GIPC2: variants seen among roughly 807,000 people sequenced by gnomAD.
GIPC2 encodes the protein PDZ domain-containing protein GIPC2.
GIPC2 carries 30 observed loss-of-function variants against 30.6 expected under a neutral mutation model. The ratio of observed to expected loss-of-function variants is 0.98; its 90% CI spans 0.73 to 1.33. The LOEUF (loss-of-function observed/expected upper bound fraction) is 1.33. GIPC2 is among the 40% of genes most tolerant of loss of function. The pLI is 0.00. For synonymous variants in GIPC2, 167 were observed against 150.0 expected, an observed-to-expected ratio of 1.11 and a Z score of -0.83; for missense variants, 414 against 390.3, an observed-to-expected ratio of 1.06 and a Z score of -0.51.
chr1:78,103,135 C>T (rs946457605), intron 3 of GIPC2, among the ~76,000 whole-genome samples: 1 of 152,226 alleles, frequency 6.6e-6, no homozygotes, highest in Non-Finnish European at 1.5e-5. Context: ...CCTCCAGAGC[C>T]AGCTCTCTAA....
intron 1 of GIPC2, among the ~76,000 whole-genome samples, chr1:78,053,959 C>T (rs1032589337): frequency 2.0e-5 from 3 of 151,996 alleles, no homozygotes; most frequent in African/African-American, 7.2e-5. Context: ...CTCCTCATTA[C>T]TTACAAACCA....
Position 78,136,608 on chromosome 1 carries a change from C to CTTTTTTTTTTT in GIPC2, c.*876_*886dup, listed in dbSNP as rs56230848. On this transcript the variant is annotated 3_prime_UTR_variant, in exon 6 of 6. Coordinates refer to ENST00000370759, the MANE Select transcript of GIPC2 (RefSeq NM_017655.6). ...TACTCAAAATAACTATGCTTTAGAACTTTTTTTTTTTTTTTTTTTTTGGTT... is the reference window on the plus strand; with the variant it reads ...TACTCAAAATAACTATGCTTTAGAACTTTTTTTTTTTTTTTTTTTTTTTTTTTTTTTTGGTT... The CTTTTTTTTTTT allele has an allele frequency of 2.0e-5, 2 of 101,954 alleles. No individual in the cohort carries two copies. The highest frequency in any genetic ancestry group is 1.1e-4 in the Admixed American group (1 of 8,908). The allele number at this position is 101,954 out of a possible 1,614,324, so 6.3% of individuals were successfully genotyped here. A position where few individuals can be genotyped will look rare whatever the true frequency, so the allele number is the denominator to read the frequency against.
intron 1 of GIPC2, among the ~76,000 whole-genome samples, chr1:78,068,196 T>C (rs1278765574): frequency 2.9e-5 from 3 of 103,560 alleles, no homozygotes; most frequent in Non-Finnish European, 7.2e-5. Flanking sequence ...AGAGAGTACC[T>C]GTGACAGAAT....
At chr1:78,110,267 G>A (rs1178350894) in intron 3 of GIPC2, among the ~76,000 whole-genome samples, 1 of 152,080 alleles carries the variant, frequency 6.6e-6, no homozygotes, top group African/African-American at 2.4e-5. Context: ...ATCTGAAAAT[G>A]GGGGCAGAAA....
Position 78,135,761 on chromosome 1 carries a change from T to C in GIPC2, c.*18T>C. ...GATTATGATGTGTACACTCCATCTC[T>C]GAAGAAACAACCCATCGTTCTTTTT... is the stretch of plus-strand genomic sequence containing the variant. On this transcript the variant is annotated 3_prime_UTR_variant, in exon 6 of 6. Transcript: ENST00000370759. The C allele has an allele frequency of 3.8e-6, 6 of 1,587,848 alleles. No individual in the cohort carries two copies. The highest frequency in any genetic ancestry group is 5.1e-6 in the Non-Finnish European group (6 of 1,170,752).
intron 3 of GIPC2, among the ~76,000 whole-genome samples, chr1:78,108,244 C>T (rs900835544): frequency 6.6e-6 from 1 of 152,102 alleles, no homozygotes; most frequent in African/African-American, 2.4e-5. Context: ...GGTTTGTAAT[C>T]TTTTTTTGTA....
intron 2 of GIPC2, chr1:78,094,681 TA>T: frequency 4.3e-6 from 1 of 232,176 alleles, no homozygotes; most frequent in Non-Finnish European, 8.4e-6. Context: ...TGGTTGGAGG[TA>T]AGATAGTGGT....
rs751081699 is a variant in GIPC2, at chr1:78,046,325, G to T, written c.231G>T (p.Ser77=). 1.2e-6 allele frequency: 2 copies of T among 1,610,148 alleles called. No homozygotes were observed. The highest frequency in any genetic ancestry group is 2.2e-5 in the East Asian group (1 of 44,682). ...YAQIAGAFEI[S]PSEILYCTLN... Reference sequence around the variant, plus strand: ...AGATCGCGGGCGCGTTTGAAATCTCGCCGTCGGAGGTAAGGCGCCAGGTGC... The same window carrying T: ...AGATCGCGGGCGCGTTTGAAATCTCTCCGTCGGAGGTAAGGCGCCAGGTGC... Residue 77 remains serine (S), a synonymous_variant, in exon 1 of 6, where the codon TCG becomes TCT. Coordinates refer to ENST00000370759, the MANE Select transcript of GIPC2 (RefSeq NM_017655.6).
rs1373826508 is a variant in GIPC2 at position 78,138,401 on chromosome 1, A to G, written c.*2658A>G. ...TTTCAAATGATGTATAATTTGCAAT[A>G]TTTTCCCTTGCAACTTTAGCAAATA... On this transcript the variant is annotated 3_prime_UTR_variant, in exon 6 of 6. Transcript: ENST00000370759. 1 of 152,206 alleles carries G rather than the reference A, an allele frequency of 6.6e-6. No individual in the cohort carries two copies. Among genetic ancestry groups the G allele is most frequent in the Non-Finnish European group, 1.5e-5 (1 of 68,038 alleles). The allele number at this position is 152,206 out of a possible 1,614,324, so 9.4% of individuals were successfully genotyped here. A position where few individuals can be genotyped will look rare whatever the true frequency, so the allele number is the denominator to read the frequency against.
chr1:78,046,188 C>A lies in GIPC2; in HGVS notation c.94C>A (p.Leu32Ile), dbSNP rs371010813. Reference protein sequence around the residue: ...GEPTGAGGGSLSASRAPARRL... With the variant: ...GEPTGAGGGSISASRAPARRL... ...GCCGACGGGCGCGGGCGGCGGGAGC[C>A]TCTCAGCGTCCCGGGCTCCCGCACG... The change falls in exon 1 of 6, where the codon CTC (leucine) becomes ATC (isoleucine). Residue 32 changes from leucine to isoleucine, a missense_variant. By Grantham distance (5) the Leu-to-Ile change is conservative. Transcript: ENST00000370759. 2 of 1,578,054 alleles carry A rather than the reference C, an allele frequency of 1.3e-6. No homozygotes were observed. The highest frequency in any genetic ancestry group is 2.7e-5 in the African/African-American group (2 of 72,874).
chr1:78,093,085 G>T (rs781048252), intron 2 of GIPC2, among the ~76,000 whole-genome samples: 1 of 151,978 alleles, frequency 6.6e-6, no homozygotes. Flanking sequence ...AATTTGTATG[G>T]TGTAGTTGAC....
At position 78,135,799 on chromosome 1, in the gene GIPC2, A is replaced by G; in HGVS notation, c.*56A>G. ...CATCGTTCTTTTTTTTCTCTTTTTT[A>G]AAAAGTCCTATAAGATCTGTTTTTG... On this transcript the variant is annotated 3_prime_UTR_variant, in exon 6 of 6. Transcript: ENST00000370759. 2.8e-6 allele frequency: 4 copies of G among 1,449,872 alleles called. 1 individual carries two copies. The South Asian group carries it at 5.0e-5, about 18-fold the overall frequency. 89.8% of individuals were successfully genotyped at this position (1,449,872 alleles called of 1,614,324 possible). A position where few individuals can be genotyped will look rare whatever the true frequency, so the allele number is the denominator to read the frequency against.
intron 4 of GIPC2, among the ~76,000 whole-genome samples, chr1:78,123,207 C>T (rs1662715905): frequency 6.9e-6 from 1 of 144,694 alleles, no homozygotes; most frequent in African/African-American, 2.6e-5. Flanking sequence ...TTGCAGCGAG[C>T]CGAGATTATG....
intron 5 of GIPC2, among the ~76,000 whole-genome samples, chr1:78,128,945 C>T (rs974770743): frequency 1.3e-5 from 2 of 151,342 alleles, no homozygotes; most frequent in African/African-American, 4.9e-5. Flanking sequence ...TTTGAAGCTG[C>T]AGTGAGCTAG....
Position 78,135,743 on chromosome 1 carries a change from A to G in GIPC2, c.948A>G (p.Ter316TrpextTer19), listed in dbSNP as rs2100461730. 6.2e-7 allele frequency: 1 copy of G among 1,611,996 alleles called. No homozygotes were observed. The highest frequency in any genetic ancestry group is 8.5e-7 in the Non-Finnish European group (1 of 1,178,832). ...GTGATGCCAAACGAAGAGGATTATG[A>G]TGTGTACACTCCATCTCTGAAGAAA... Reference protein sequence around the residue: ...VIGDAKRRGL* With the variant: ...VIGDAKRRGLW Residue 316 changes from the stop codon to tryptophan (W), a stop_lost, in exon 6 of 6, where the codon TGA becomes TGG. Transcript: ENST00000370759.
intron 3 of GIPC2, among the ~76,000 whole-genome samples, chr1:78,116,138 G>A (rs1483206996): frequency 1.3e-5 from 2 of 152,174 alleles, no homozygotes; most frequent in East Asian, 1.9e-4. Flanking sequence ...GGCAACAGAC[G>A]AAAGAGAGCA....
Position 78,050,305 on chromosome 1 carries a change from A to T in GIPC2, c.240+3971A>T, listed in dbSNP as rs147154145. ...TTGTAAACAAATTTTTTTTTTCAAT[A>T]AAAGCCTCAGACTTAACCACAAAAA... On this transcript the variant is annotated intron_variant, in intron 1 of 5. Coordinates refer to ENST00000370759, the MANE Select transcript of GIPC2 (RefSeq NM_017655.6). 2.8e-3 allele frequency among the ~76,000 whole-genome samples: 429 copies of T among 152,304 alleles called. 1 individual carries two copies. Among genetic ancestry groups the T allele is most frequent in the African/African-American group, 9.8e-3 (409 of 41,564 alleles).
intron 5 of GIPC2, among the ~76,000 whole-genome samples, chr1:78,129,451 C>T (rs1323946980): frequency 2.0e-5 from 3 of 151,986 alleles, no homozygotes; most frequent in African/African-American, 4.8e-5. Context: ...TATTTGTTAA[C>T]GTAAGTATAT....
chr1:78,080,763 A>T lies in GIPC2; in HGVS notation c.329A>T (p.His110Leu). The T allele has an allele frequency of 6.2e-7, 1 of 1,609,292 alleles. No homozygotes were observed. Among genetic ancestry groups the T allele is most frequent in the Non-Finnish European group, 8.5e-7 (1 of 1,175,628 alleles). ...QLGLEDFIFA[H>L]VKGIEKEVNV... ...GGACTAGAAGATTTCATATTTGCCC[A>T]TGTGAAAGGAATCGAAAAAGAAGTG... The change falls in exon 2 of 6, where the codon CAT (histidine) becomes CTT (leucine). Residue 110 changes from histidine (H) to leucine (L), a missense_variant. Transcript: ENST00000370759.
Sources: allele counts gnomAD v4.1 joint callset (sites outside exome capture counted in the v4.1 genomes callset), GRCh38; gene constraint gnomAD v4.1.1; transcripts MANE v1.5; gene names NCBI Gene and HGNC (gene_info 2026-07-23, HGNC 2026-07-21).